Variants in FARS2 observed in about 807,000 individuals in gnomAD.
The protein encoded by FARS2 is phenylalanine--tRNA ligase, mitochondrial.
A neutral mutation model predicts 46.4 loss-of-function variants in FARS2; 40 were observed. That is an observed-to-expected ratio of 0.86 (90% confidence interval 0.67 to 1.12). The LOEUF (loss-of-function observed/expected upper bound fraction) is 1.12. Among genes scored for constraint, FARS2 ranks in the 50% most tolerant of loss-of-function variants. The probability of loss-of-function intolerance (pLI) is 0.00; values close to 1 mark genes in which losing one functional copy is unlikely to be tolerated. For missense variants in FARS2, 513 were observed against 567.9 expected (o/e 0.90, Z 0.98); for synonymous variants, 234 against 214.9 (o/e 1.09, Z -0.78).
chr6:5,593,149 A>G (rs1009696741), intron 5 of FARS2, among the ~76,000 whole-genome samples: 3 of 152,144 alleles, frequency 2.0e-5, no homozygotes, highest in Non-Finnish European at 4.4e-5. Flanking sequence ...ACACAGAACA[A>G]GTGAGGAGGG....
At chr6:5,706,927 G>A (rs1444777758) in intron 6 of FARS2, among the ~76,000 whole-genome samples, 1 of 152,232 alleles carries the variant, frequency 6.6e-6, no homozygotes, top group Non-Finnish European at 1.5e-5. Flanking sequence ...GTCACAGTCA[G>A]CGGAGCTGTG....
At chr6:5,754,029 A>G (rs940982957) in intron 6 of FARS2, among the ~76,000 whole-genome samples, 3 of 152,228 alleles carry the variant, frequency 2.0e-5, no homozygotes. Context: ...AATCTAAATA[A>G]ATATGTGTGT....
At chr6:5,374,485 G>A (rs779817292) in intron 2 of FARS2, among the ~76,000 whole-genome samples, 2 of 152,010 alleles carry the variant, frequency 1.3e-5, no homozygotes, top group Non-Finnish European at 2.9e-5. Flanking sequence ...AAAATTAATA[G>A]CCTTTCCTCC....
chr6:5,348,707 C>A, intron 1 of FARS2, among the ~76,000 whole-genome samples: 1 of 148,334 alleles, frequency 6.7e-6, no homozygotes, highest in African/African-American at 2.5e-5. Context: ...TATAATCTAC[C>A]ATTATCAGCA....
At chr6:5,351,744 A>C (rs1463781363) in intron 1 of FARS2, among the ~76,000 whole-genome samples, 1 of 152,178 alleles carries the variant, frequency 6.6e-6, no homozygotes, top group African/African-American at 2.4e-5. Flanking sequence ...ATGAGATGTG[A>C]GTAATTTTTA....
At chr6:5,397,178 C>A (rs948950703) in intron 2 of FARS2, among the ~76,000 whole-genome samples, 4 of 152,052 alleles carry the variant, frequency 2.6e-5, no homozygotes, top group African/African-American at 7.2e-5. Flanking sequence ...GCATATTACT[C>A]ATGAAGGAAG....
chr6:5,513,241 C>T (rs1051517997), intron 4 of FARS2, among the ~76,000 whole-genome samples: 39 of 152,136 alleles, frequency 2.6e-4, no homozygotes, highest in Admixed American at 8.5e-4. Context: ...AGTCAGGAAC[C>T]TTGTGAACAG....
At chr6:5,654,255 C>G (rs1289996340) in intron 6 of FARS2, among the ~76,000 whole-genome samples, 1 of 152,176 alleles carries the variant, frequency 6.6e-6, no homozygotes, top group African/African-American at 2.4e-5. Flanking sequence ...CTTTCTGGAC[C>G]ACCCTACTTG....
chr6:5,251,432 G>GC, the FARS2 span, among the ~76,000 whole-genome samples: 1 of 152,150 alleles, frequency 6.6e-6, no homozygotes, highest in East Asian at 1.9e-4. Context: ...TGTGATGCTG[G>GC]CATCTGCTCA....
At chr6:5,441,848 A>G (rs75184439) in intron 4 of FARS2, among the ~76,000 whole-genome samples, 4 of 152,288 alleles carry the variant, frequency 2.6e-5, no homozygotes, top group Middle Eastern at 3.4e-3. Flanking sequence ...GGCCCAATTT[A>G]TATTGTCTTG....
chr6:5,335,766 T>G (rs1385287294), intron 1 of FARS2, among the ~76,000 whole-genome samples: 1 of 152,180 alleles, frequency 6.6e-6, no homozygotes, highest in Non-Finnish European at 1.5e-5. Flanking sequence ...AATCAAAAGG[T>G]ATAAAACATT....
chr6:5,350,501 T>C (rs1348918537), intron 1 of FARS2, among the ~76,000 whole-genome samples: 2 of 152,158 alleles, frequency 1.3e-5, no homozygotes, highest in Non-Finnish European at 2.9e-5. Flanking sequence ...TGGAACAGAA[T>C]AGGGAATCCA....
intron 1 of FARS2, among the ~76,000 whole-genome samples, chr6:5,264,995 A>G: frequency 7.3e-6 from 1 of 137,700 alleles, no homozygotes; most frequent in South Asian, 2.3e-4. Context: ...TGTAGAGATG[A>G]GATTTCACTA....
intron 4 of FARS2, among the ~76,000 whole-genome samples, chr6:5,454,467 C>T (rs548767067): frequency 4.6e-5 from 7 of 151,548 alleles, no homozygotes; most frequent in African/African-American, 1.2e-4. Context: ...TCAGCCTCCC[C>T]CCGAGTAGCT....
intron 1 of FARS2, among the ~76,000 whole-genome samples, chr6:5,279,933 T>A (rs1766608199): frequency 6.6e-6 from 1 of 152,222 alleles, no homozygotes; most frequent in African/African-American, 2.4e-5. Flanking sequence ...CACCACATAA[T>A]GTTTAACCAA....
In FARS2 at chr6:5,368,909, C is replaced by G; in HGVS notation, c.339C>G (p.Tyr113Ter). 1.2e-6 allele frequency: 2 copies of G among 1,614,144 alleles called. No individual in the cohort carries two copies. The highest frequency in any genetic ancestry group is 1.7e-6 in the Non-Finnish European group (2 of 1,180,030). ...TTGGGACCCCGTTGTTCTCGGTCTA[C>G]GACAACCTTTCTCCAGTGGTCACGA... The part of the protein sequence containing the change: ...GRFGTPLFSV[Y>*]DNLSPVVTTW... Residue 113 changes from tyrosine (Y) to a stop codon, truncating the protein, a stop_gained, in exon 2 of 7, where the codon TAC becomes TAG. Coordinates refer to ENST00000274680, the MANE Select transcript of FARS2 (RefSeq NM_006567.5). LOFTEE classifies it high-confidence loss of function.
chr6:5,395,770 G>A lies in FARS2; in HGVS notation c.613-8772G>A, dbSNP rs184879938. Among the ~76,000 whole-genome samples, 579 of 152,292 alleles carry A rather than the reference G, an allele frequency of 3.8e-3. 4 individuals are homozygous for A. The highest frequency in any genetic ancestry group is 0.013 in the African/African-American group (549 of 41,568). Reference sequence around the variant, plus strand: ...ATTTCTAGCATTAGGAGAGACTGATGTTTGAATCCTTTCCTATTCCTCTTT... The same window carrying A: ...ATTTCTAGCATTAGGAGAGACTGATATTTGAATCCTTTCCTATTCCTCTTT... On this transcript the variant is annotated intron_variant, in intron 2 of 6. Transcript: ENST00000274680.
intron 1 of FARS2, among the ~76,000 whole-genome samples, chr6:5,288,673 G>A (rs906931530): frequency 3.3e-5 from 5 of 152,094 alleles, no homozygotes; most frequent in African/African-American, 9.7e-5. Flanking sequence ...ATGGAGGTGC[G>A]GACTGGGGAC....
chr6:5,287,552 T>C (rs973631001), intron 1 of FARS2, among the ~76,000 whole-genome samples: 1 of 152,218 alleles, frequency 6.6e-6, no homozygotes, highest in Non-Finnish European at 1.5e-5. Context: ...GCGAGCCCAA[T>C]GAGGGGACAT....
Sources: allele counts gnomAD v4.1 joint callset (sites outside exome capture counted in the v4.1 genomes callset), GRCh38; gene constraint gnomAD v4.1.1; transcripts MANE v1.5; gene names NCBI Gene and HGNC (gene_info 2026-07-23, HGNC 2026-07-21).